Variants in ZEB1 observed in about 807,000 individuals in gnomAD.
ZEB1 encodes zinc finger E-box binding homeobox 1.
In ZEB1, 21 loss-of-function variants were observed where a neutral mutation model predicts 84.9. The ratio of observed to expected loss-of-function variants is 0.25; its 90% CI spans 0.18 to 0.36. The LOEUF (loss-of-function observed/expected upper bound fraction) is 0.36. ZEB1 is among the 10% of genes least tolerant of loss of function. The probability of loss-of-function intolerance (pLI) is 1.00; values close to 1 mark genes in which losing one functional copy is unlikely to be tolerated. For synonymous variants in ZEB1, 420 were observed against 471.1 expected (o/e 0.89, Z 1.41); for missense variants, 1,104 against 1,330.2 (o/e 0.83, Z 2.65).
intron 1 of ZEB1, among the ~76,000 whole-genome samples, chr10:31,371,846 A>G (rs970109651): frequency 6.6e-6 from 1 of 152,208 alleles, no homozygotes; most frequent in African/African-American, 2.4e-5. Flanking sequence ...ACTCAAAGAC[A>G]TAGCAGTTTT....
intron 1 of ZEB1, among the ~76,000 whole-genome samples, chr10:31,409,245 A>C (rs2053754582): frequency 6.6e-6 from 1 of 152,146 alleles, no homozygotes; most frequent in African/African-American, 2.4e-5. Context: ...GTCAGGAAAC[A>C]ACAGGTGCTG....
chr10:31,418,524 T>G (rs918986103), intron 1 of ZEB1, among the ~76,000 whole-genome samples: 1 of 152,154 alleles, frequency 6.6e-6, no homozygotes, highest in Non-Finnish European at 1.5e-5. Context: ...ATTTTAACTT[T>G]AGCTCAATAT....
chr10:31,444,845 T>C (rs954972353), intron 1 of ZEB1, among the ~76,000 whole-genome samples: 91 of 151,882 alleles, frequency 6.0e-4, no homozygotes, highest in African/African-American at 1.9e-3. Context: ...AGTCAGGTAG[T>C]GTGATGCCTC....
At position 31,426,534 on chromosome 10, in the gene ZEB1, C is replaced by T. The variant is rs113123742; in HGVS notation, c.59-34503C>T. 1.9e-3 allele frequency among the ~76,000 whole-genome samples: 289 copies of T among 152,222 alleles called. 6 individuals are homozygous for T. Among genetic ancestry groups the T allele is most frequent in the African/African-American group, 6.7e-3 (277 of 41,518 alleles). ...TTATAGAGTCAGTCTAACTTTATAA[C>T]GCTAGAGTAGTACAGAGAACTCTCA... On this transcript the variant is annotated intron_variant, in intron 1 of 8. Transcript: ENST00000424869.
intron 1 of ZEB1, among the ~76,000 whole-genome samples, chr10:31,336,548 A>C (rs2038100580): frequency 6.6e-6 from 1 of 152,216 alleles, no homozygotes; most frequent in African/African-American, 2.4e-5. Context: ...AAATATGACT[A>C]CATCAAAATT....
intron 1 of ZEB1, among the ~76,000 whole-genome samples, chr10:31,442,748 T>C (rs1305750185): frequency 3.3e-5 from 5 of 151,406 alleles, no homozygotes; most frequent in African/African-American, 1.2e-4. Flanking sequence ...ACTGATAGAG[T>C]CAAGAGAAGA....
chr10:31,336,648 A>T (rs2038135054), intron 1 of ZEB1, among the ~76,000 whole-genome samples: 2 of 152,174 alleles, frequency 1.3e-5, no homozygotes, highest in Admixed American at 1.3e-4. Context: ...AATAAAGATG[A>T]ACAATCTGAT....
At chr10:31,448,797 G>A (rs1260135409) in intron 1 of ZEB1, among the ~76,000 whole-genome samples, 3 of 152,278 alleles carry the variant, frequency 2.0e-5, no homozygotes, top group Non-Finnish European at 4.4e-5. Flanking sequence ...CGTACTGGGA[G>A]AACCACTGCT....
intron 2 of ZEB1, among the ~76,000 whole-genome samples, chr10:31,473,188 A>G (rs1353173553): frequency 6.6e-6 from 1 of 151,382 alleles, no homozygotes; most frequent in East Asian, 1.9e-4. Context: ...TATTCAACAT[A>G]GTGTTGGAAT....
chr10:31,455,072 C>A (rs1350790788), intron 1 of ZEB1, among the ~76,000 whole-genome samples: 1 of 152,102 alleles, frequency 6.6e-6, no homozygotes, highest in Non-Finnish European at 1.5e-5. Flanking sequence ...GATATATAGA[C>A]CAATGGAACA....
intron 2 of ZEB1, among the ~76,000 whole-genome samples, chr10:31,462,926 G>C (rs909453121): frequency 6.6e-6 from 1 of 151,996 alleles, no homozygotes; most frequent in Non-Finnish European, 1.5e-5. Flanking sequence ...AAGACAGAAA[G>C]GAGATAGAAT....
chr10:31,432,591 A>C (rs1226760352), intron 1 of ZEB1, among the ~76,000 whole-genome samples: 1 of 152,044 alleles, frequency 6.6e-6, no homozygotes, highest in Non-Finnish European at 1.5e-5. Context: ...ACCCTGTCTC[A>C]ATTTTTTTTT....
intron 1 of ZEB1, among the ~76,000 whole-genome samples, chr10:31,406,769 G>C (rs1196169428): frequency 6.6e-6 from 1 of 152,128 alleles, no homozygotes; most frequent in Non-Finnish European, 1.5e-5. Context: ...GTTTGCTCAT[G>C]TCTGTGTCCT....
chr10:31,378,105 A>G (rs2046986888), intron 1 of ZEB1, among the ~76,000 whole-genome samples: 1 of 150,608 alleles, frequency 6.6e-6, no homozygotes, highest in African/African-American at 2.4e-5. Flanking sequence ...TATGGATAAT[A>G]CATATATATT....
intron 1 of ZEB1, among the ~76,000 whole-genome samples, chr10:31,437,991 A>T (rs951796997): frequency 6.6e-6 from 1 of 152,256 alleles, no homozygotes; most frequent in African/African-American, 2.4e-5. Flanking sequence ...AAATTTTTTC[A>T]TAAGATGAGA....
rs772310894 is a variant in ZEB1 at position 31,360,984 on chromosome 10, G to C, written c.58+41692G>C. Reference sequence around the variant, plus strand: ...CGACCGCCACGGAGCAGTGGGTTCTGGTGGAGATGGTACAGGCGCTTTACA... The same window carrying C: ...CGACCGCCACGGAGCAGTGGGTTCTCGTGGAGATGGTACAGGCGCTTTACA... On this transcript the variant is annotated intron_variant, in intron 1 of 8. Coordinates refer to ENST00000424869, the MANE Select transcript of ZEB1 (RefSeq NM_001174096.2). The C allele has an allele frequency of 1.2e-4, 196 of 1,605,852 alleles. 1 individual carries two copies. The highest frequency in any genetic ancestry group is 1.4e-4 in the Non-Finnish European group (164 of 1,178,728).
chr10:31,321,506 G>A (rs1010549055), intron 1 of ZEB1: 2 of 1,613,968 alleles, frequency 1.2e-6, no homozygotes, highest in African/African-American at 1.3e-5. Flanking sequence ...AGCTGTTGCC[G>A]CTGTTGCTGA....
chr10:31,387,317 A>G, intron 1 of ZEB1: 1 of 985,596 alleles, frequency 1.0e-6, no homozygotes, highest in African/African-American at 1.7e-5. Flanking sequence ...TCCTAACCTA[A>G]GACTGGTTTT....
At chr10:31,345,867 C>T (rs981097312) in intron 1 of ZEB1, among the ~76,000 whole-genome samples, 2 of 151,998 alleles carry the variant, frequency 1.3e-5, no homozygotes, top group African/African-American at 4.8e-5. Flanking sequence ...AATTCTTTTC[C>T]TTCTTCCAAA....
Sources: allele counts gnomAD v4.1 joint callset (sites outside exome capture counted in the v4.1 genomes callset), GRCh38; gene constraint gnomAD v4.1.1; transcripts MANE v1.5; gene names NCBI Gene and HGNC (gene_info 2026-07-23, HGNC 2026-07-21).